The following FYCO1 variants were observed in gnomAD, a reference collection of about 807,000 sequenced individuals.
FYCO1 encodes FYVE and coiled-coil domain-containing protein 1.
In FYCO1, 122 loss-of-function variants were observed where a neutral mutation model predicts 165.1. That is an observed-to-expected ratio of 0.74 (90% confidence interval 0.64 to 0.86). The LOEUF (loss-of-function observed/expected upper bound fraction) is 0.86. Ranked by LOEUF, FYCO1 falls within the 40% of genes least tolerant of loss-of-function variation. The pLI is 0.00. For synonymous variants in FYCO1, 648 were observed against 742.5 expected (o/e 0.87, Z 2.07); for missense variants, 1,702 against 1,810.3 (o/e 0.94, Z 1.09).
chr3:45,946,651 T>G, intron 14 of FYCO1: 1 of 1,614,210 alleles, frequency 6.2e-7, no homozygotes, highest in African/African-American at 1.3e-5. Context: ...GTCATATCCA[T>G]CTTCTACCAT....
chr3:45,944,405 G>C (rs999367116), intron 14 of FYCO1, among the ~76,000 whole-genome samples: 3 of 152,110 alleles, frequency 2.0e-5, no homozygotes, highest in Admixed American at 2.0e-4. Context: ...CAATTTAACT[G>C]TATTGCATTT....
At chr3:45,957,931 G>T (rs1705441628) in intron 13 of FYCO1, among the ~76,000 whole-genome samples, 1 of 152,268 alleles carries the variant, frequency 6.6e-6, no homozygotes, top group South Asian at 2.1e-4. Flanking sequence ...CAAAACCGAA[G>T]CAGCAGAACC....
chr3:45,949,747 C>T (rs56750762), intron 14 of FYCO1, among the ~76,000 whole-genome samples: 85 of 152,248 alleles, frequency 5.6e-4, no homozygotes, highest in African/African-American at 1.8e-3. Context: ...ACCAGGTGCC[C>T]GCCCCCTCCC....
chr3:45,968,408 T>C lies in FYCO1; in HGVS notation c.926A>G (p.Gln309Arg). 6.2e-7 allele frequency: 1 copy of C among 1,613,770 alleles called. No homozygotes were observed. The highest frequency in any genetic ancestry group is 1.1e-5 in the South Asian group (1 of 91,086). Residue 309 changes from glutamine to arginine, a missense_variant, in exon 8 of 18, where the codon CAG (glutamine) becomes CGG (arginine). Physicochemically the swap from Gln to Arg is conservative, Grantham distance 43. Transcript: ENST00000296137. ...TGTCTGCAGCTCCTTCACAGTGTTCTGGGTGGCCTGGGTGACCTCCCACTG... is the reference window on the plus strand; with the variant it reads ...TGTCTGCAGCTCCTTCACAGTGTTCCGGGTGGCCTGGGTGACCTCCCACTG... ...QKQWEVTQAT[Q>R]NTVKELQTCL...
intron 14 of FYCO1, among the ~76,000 whole-genome samples, chr3:45,937,525 TAAATGGAAGCAA>T (rs1703967037): frequency 6.6e-6 from 1 of 152,196 alleles, no homozygotes; most frequent in East Asian, 1.9e-4. Flanking sequence ...TTTCCTTCTC[TAAATGGAAGCAA>T]ATGTAACCAG....
intron 6 of FYCO1, among the ~76,000 whole-genome samples, chr3:45,971,662 T>C (rs1024874801): frequency 1.3e-5 from 2 of 152,236 alleles, no homozygotes; most frequent in Non-Finnish European, 2.9e-5. Context: ...AGGAACATTT[T>C]ACAAAATAAC....
intron 6 of FYCO1, among the ~76,000 whole-genome samples, chr3:45,971,717 C>G (rs779409755): frequency 2.6e-5 from 4 of 152,140 alleles, no homozygotes; most frequent in Non-Finnish European, 5.9e-5. Flanking sequence ...AAGACAAAGA[C>G]TGAAAAACTG....
At chr3:45,926,996 A>G (rs1297025146) in intron 16 of FYCO1, among the ~76,000 whole-genome samples, 1 of 151,764 alleles carries the variant, frequency 6.6e-6, no homozygotes, top group Non-Finnish European at 1.5e-5. Context: ...CCACCCAACA[A>G]CAGCAGAAGG....
Position 45,966,979 on chromosome 3 carries a change from GACCTCCCC to G in FYCO1, c.2347_2354del (p.Gly783ProfsTer20). On this transcript the variant is annotated frameshift_variant, in exon 8 of 18. Transcript: ENST00000296137. LOFTEE classifies it high-confidence loss of function. Reference sequence around the variant, plus strand: ...CCACCACCTGAGCCTGCAGCCGTTGGACCTCCCCCTGATGGACTTCCAGCTGCGCCTGA... The same window carrying G: ...CCACCACCTGAGCCTGCAGCCGTTGGCTGATGGACTTCCAGCTGCGCCTGA... The G allele has an allele frequency of 6.2e-7, 1 of 1,613,304 alleles. No homozygotes were observed. Among genetic ancestry groups the G allele is most frequent in the Non-Finnish European group, 8.5e-7 (1 of 1,180,026 alleles).
intron 1 of FYCO1, among the ~76,000 whole-genome samples, chr3:45,989,325 G>C (rs1277802192): frequency 6.6e-6 from 1 of 152,174 alleles, no homozygotes. Context: ...GCCTGGTTCA[G>C]CACACCCAAC....
chr3:45,949,232 C>T (rs989757546), intron 14 of FYCO1, among the ~76,000 whole-genome samples: 1 of 152,188 alleles, frequency 6.6e-6, no homozygotes, highest in Non-Finnish European at 1.5e-5. Flanking sequence ...CATGGACCTC[C>T]GAGTGCTTCC....
intron 1 of FYCO1, among the ~76,000 whole-genome samples, chr3:45,992,427 A>T (rs970101496): frequency 6.6e-6 from 1 of 152,208 alleles, no homozygotes; most frequent in Non-Finnish European, 1.5e-5. Flanking sequence ...CTCTCTTACC[A>T]GTGGTAGCCA....
chr3:45,947,041 T>A, intron 14 of FYCO1: 1 of 1,614,230 alleles, frequency 6.2e-7, no homozygotes. Context: ...GACGAGGCAA[T>A]TTCCACTGTG....
Position 45,968,052 on chromosome 3 carries a change from G to C in FYCO1, c.1282C>G (p.Leu428Val). Residue 428 changes from leucine (L) to valine (V), a missense_variant, in exon 8 of 18, where the codon CTG (leucine) becomes GTG (valine). Physicochemically the swap from Leu to Val is conservative, Grantham distance 32 (BLOSUM62 1). Coordinates refer to ENST00000296137, the MANE Select transcript of FYCO1 (RefSeq NM_024513.4). ...EEVNRQQSAQ[L>V]EQLVKELQLK... Reference sequence around the variant, plus strand: ...TGAAGCTCCTTGACCAGCTGTTCCAGTTGGGCACTCTGCTGTCTGTTGACC... The same window carrying C: ...TGAAGCTCCTTGACCAGCTGTTCCACTTGGGCACTCTGCTGTCTGTTGACC... 2.5e-6 allele frequency: 4 copies of C among 1,614,132 alleles called. No homozygotes were observed. The highest frequency in any genetic ancestry group is 2.5e-6 in the Non-Finnish European group (3 of 1,180,028).
At position 45,987,920 on chromosome 3, in the gene FYCO1, C is replaced by T. The variant is rs138205931; in HGVS notation, c.-112-2898G>A. 3.6e-3 allele frequency among the ~76,000 whole-genome samples: 543 copies of T among 152,334 alleles called. 3 individuals are homozygous for T. The highest frequency in any genetic ancestry group is 0.012 in the African/African-American group (517 of 41,578). On this transcript the variant is annotated intron_variant, in intron 1 of 17. Transcript: ENST00000296137. ...ATAAGCCTGAACACAGATGGCAACA[C>T]ACTCCTTTAAGACTTCTTGGTGCTT...
chr3:45,980,865 T>C (rs1236323040), intron 3 of FYCO1, among the ~76,000 whole-genome samples: 1 of 152,214 alleles, frequency 6.6e-6, no homozygotes, highest in African/African-American at 2.4e-5. Context: ...TACCCTAAAA[T>C]AACTTCTACA....
intron 1 of FYCO1, among the ~76,000 whole-genome samples, chr3:45,988,060 A>T (rs1350353331): frequency 6.6e-6 from 1 of 151,960 alleles, no homozygotes; most frequent in Non-Finnish European, 1.5e-5. Context: ...GTTCCCAGCC[A>T]CTCATTACAC....
chr3:45,992,783 G>T (rs1439654544), intron 1 of FYCO1, among the ~76,000 whole-genome samples: 1 of 152,124 alleles, frequency 6.6e-6, no homozygotes, highest in Non-Finnish European at 1.5e-5. Flanking sequence ...CAGATACCCT[G>T]GAAAAAGCAT....
At chr3:45,950,967 C>T (rs1323196071) in intron 14 of FYCO1, among the ~76,000 whole-genome samples, 1 of 152,198 alleles carries the variant, frequency 6.6e-6, no homozygotes, top group Non-Finnish European at 1.5e-5. Flanking sequence ...GACAAATCTA[C>T]CACAGCTCCC....
Sources: allele counts gnomAD v4.1 joint callset (sites outside exome capture counted in the v4.1 genomes callset), GRCh38; gene constraint gnomAD v4.1.1; transcripts MANE v1.5; gene names NCBI Gene and HGNC (gene_info 2026-07-23, HGNC 2026-07-21).